The following SGMS1 variants were observed in gnomAD, a reference collection of about 807,000 sequenced individuals.
SGMS1 encodes the protein phosphatidylcholine:ceramide cholinephosphotransferase 1.
A neutral mutation model predicts 46.2 loss-of-function variants in SGMS1; 13 were observed. The observed-to-expected ratio is 0.28, with a 90% CI of 0.18 to 0.45. The LOEUF (loss-of-function observed/expected upper bound fraction) is 0.45. Ranked by LOEUF, SGMS1 falls within the 20% of genes least tolerant of loss-of-function variation. The pLI is 1.00. For missense variants in SGMS1, 324 were observed against 519.9 expected, an observed-to-expected ratio of 0.62 and a Z score of 3.66; for synonymous variants, 203 against 187.8, an observed-to-expected ratio of 1.08 and a Z score of -0.66.
At chr10:50,379,987 AC>A (rs1299401634) in intron 6 of SGMS1, among the ~76,000 whole-genome samples, 3 of 152,180 alleles carry the variant, frequency 2.0e-5, no homozygotes, top group Non-Finnish European at 4.4e-5. Flanking sequence ...AGAAAGACTC[AC>A]CCAACCAGGA....
Position 50,381,869 on chromosome 10 carries a change from C to T in SGMS1, c.-231-37524G>A, listed in dbSNP as rs188423059. 7.2e-5 allele frequency among the ~76,000 whole-genome samples: 11 copies of T among 152,170 alleles called. No homozygotes were observed. In the South Asian group the frequency reaches 1.2e-3, roughly 17 times the overall value. ...CTGTGGTGTGGAAGGAAAAATAGGG[C>T]GGTCCAAGAAAGAATGAAATCATAA... On this transcript the variant is annotated intron_variant, in intron 6 of 10. Transcript: ENST00000361781.
chr10:50,529,388 CAA>C (rs1440566456), intron 2 of SGMS1, among the ~76,000 whole-genome samples: 1 of 152,144 alleles, frequency 6.6e-6, no homozygotes, highest in African/African-American at 2.4e-5. Context: ...TACCACAATA[CAA>C]TGCTAGGTAA....
At chr10:50,548,609 A>G (rs1252289021) in intron 2 of SGMS1, among the ~76,000 whole-genome samples, 1 of 152,210 alleles carries the variant, frequency 6.6e-6, no homozygotes, top group Admixed American at 6.5e-5. Flanking sequence ...TAAAATCCCT[A>G]GAAGAAAGTC....
chr10:50,413,199 T>C (rs1452747922), intron 6 of SGMS1, among the ~76,000 whole-genome samples: 2 of 152,168 alleles, frequency 1.3e-5, no homozygotes, highest in Admixed American at 6.5e-5. Flanking sequence ...GAAATAGAGA[T>C]TTGGTTTTCA....
At position 50,503,611 on chromosome 10, in the gene SGMS1, C is replaced by T. The variant is rs12219463; in HGVS notation, c.-498+16220G>A. On this transcript the variant is annotated intron_variant, in intron 3 of 10. Coordinates refer to ENST00000361781, the MANE Select transcript of SGMS1 (RefSeq NM_147156.4). Reference sequence around the variant, plus strand: ...TATCTCCCTTCGCTGACTCTCTTTTCGGACTCAGCCCGCCTGCACCCAGGT... The same window carrying T: ...TATCTCCCTTCGCTGACTCTCTTTTTGGACTCAGCCCGCCTGCACCCAGGT... 2.3e-3 allele frequency among the ~76,000 whole-genome samples: 352 copies of T among 152,288 alleles called. 14 individuals carry two copies. The East Asian group carries it at 0.057, about 24-fold the overall frequency.
intron 6 of SGMS1, among the ~76,000 whole-genome samples, chr10:50,417,903 T>G (rs1849196746): frequency 6.6e-6 from 1 of 152,202 alleles, no homozygotes; most frequent in South Asian, 2.1e-4. Flanking sequence ...CAGGTGTAAA[T>G]AGCTAGTGCC....
intron 3 of SGMS1, among the ~76,000 whole-genome samples, chr10:50,500,856 TC>T (rs1256322158): frequency 2.0e-5 from 3 of 152,232 alleles, no homozygotes; most frequent in Non-Finnish European, 2.9e-5. Context: ...GGAAATTCTT[TC>T]TGTTGCAATC....
intron 3 of SGMS1, among the ~76,000 whole-genome samples, chr10:50,473,654 G>A (rs1837396958): frequency 6.6e-6 from 1 of 152,164 alleles, no homozygotes. Flanking sequence ...CAGATAACAG[G>A]AAATGTTTTT....
chr10:50,572,003 T>C (rs1464459620), intron 2 of SGMS1, among the ~76,000 whole-genome samples: 1 of 151,872 alleles, frequency 6.6e-6, no homozygotes. Context: ...CAAAGGAAAA[T>C]GAGAGAGAAT....
intron 1 of SGMS1, among the ~76,000 whole-genome samples, chr10:50,618,840 C>T (rs1838821781): frequency 6.6e-6 from 1 of 152,186 alleles, no homozygotes; most frequent in Non-Finnish European, 1.5e-5. Context: ...CCAACCTGGG[C>T]ATGCTGAAAC....
At chr10:50,354,854 C>G (rs1848111031) in intron 6 of SGMS1, among the ~76,000 whole-genome samples, 1 of 152,192 alleles carries the variant, frequency 6.6e-6, no homozygotes. Flanking sequence ...CTCATCATCA[C>G]TGACCATCAG....
intron 3 of SGMS1, among the ~76,000 whole-genome samples, chr10:50,472,590 G>C (rs1837388137): frequency 6.6e-6 from 1 of 152,116 alleles, no homozygotes; most frequent in Non-Finnish European, 1.5e-5. Flanking sequence ...TGGACTCCTA[G>C]GTTGTTTCCA....
At chr10:50,395,192 G>A (rs747080004) in intron 6 of SGMS1, among the ~76,000 whole-genome samples, 10 of 152,248 alleles carry the variant, frequency 6.6e-5, no homozygotes, top group East Asian at 3.9e-4. Flanking sequence ...CTTCATGGTC[G>A]CTGTTATGAT....
intron 6 of SGMS1, among the ~76,000 whole-genome samples, chr10:50,346,103 A>C (rs1181379747): frequency 6.6e-6 from 1 of 152,246 alleles, no homozygotes; most frequent in Non-Finnish European, 1.5e-5. Flanking sequence ...GACTCTCAGC[A>C]TCTCCCATAC....
intron 6 of SGMS1, among the ~76,000 whole-genome samples, chr10:50,389,737 G>A (rs1848737355): frequency 6.6e-6 from 1 of 152,078 alleles, no homozygotes; most frequent in Non-Finnish European, 1.5e-5. Context: ...ATTCAGCCTA[G>A]CTATGCCCAC....
At chr10:50,580,445 C>A (rs1235960790) in intron 2 of SGMS1, among the ~76,000 whole-genome samples, 2 of 147,626 alleles carry the variant, frequency 1.4e-5, no homozygotes, top group East Asian at 4.0e-4. Flanking sequence ...AACCCCTCAA[C>A]CCTCACTTAT....
At chr10:50,445,101 A>C (rs751982698) in intron 5 of SGMS1, among the ~76,000 whole-genome samples, 2 of 152,236 alleles carry the variant, frequency 1.3e-5, no homozygotes, top group Non-Finnish European at 2.9e-5. Flanking sequence ...CAATAAGTAC[A>C]TGAAAAAATT....
rs1448078748 is a variant in SGMS1 at position 50,322,837 on chromosome 10, T to A, written c.741+4368A>T. Among the ~76,000 whole-genome samples the A allele has an allele frequency of 1.9e-4, 10 of 51,566 alleles. No homozygotes were observed. In the East Asian group the frequency reaches 3.1e-3, roughly 16 times the overall value. 33.8% of individuals were successfully genotyped at this position (51,566 alleles called of 152,430 possible). On this transcript the variant is annotated intron_variant, in intron 8 of 10. Coordinates refer to ENST00000361781, the MANE Select transcript of SGMS1 (RefSeq NM_147156.4). Reference sequence around the variant, plus strand: ...CTGGGCGACAGAGCGAGACTCCGTCTCAAAAAAAAAAAAAAAAAAAAAAAA... The same window carrying A: ...CTGGGCGACAGAGCGAGACTCCGTCACAAAAAAAAAAAAAAAAAAAAAAAA...
intron 6 of SGMS1, among the ~76,000 whole-genome samples, chr10:50,378,802 T>C (rs956465535): frequency 1.3e-5 from 2 of 152,206 alleles, no homozygotes; most frequent in African/African-American, 2.4e-5. Flanking sequence ...TGATGTTTAC[T>C]ATCCATTTTT....
Sources: gnomAD v4.1 joint callset for allele counts (sites outside exome capture counted in the v4.1 genomes callset) on GRCh38, gnomAD v4.1.1 for gene constraint, MANE v1.5 for transcripts, NCBI Gene and HGNC (gene_info 2026-07-23, HGNC 2026-07-21) for gene names.